The following PTPRD variants were observed in gnomAD, a reference collection of about 807,000 sequenced individuals.
PTPRD encodes protein tyrosine phosphatase receptor type D, also known as receptor-type tyrosine-protein phosphatase delta.
In PTPRD, 34 loss-of-function variants were observed where a neutral mutation model predicts 214.5. The ratio of observed to expected loss-of-function variants is 0.16; its 90% CI spans 0.12 to 0.21. PTPRD has a LOEUF of 0.21. Ranked by LOEUF, PTPRD falls within the 10% of genes least tolerant of loss-of-function variation. The pLI is 1.00. For synonymous variants in PTPRD, 1,128 were observed against 845.7 expected, an observed-to-expected ratio of 1.33 and a Z score of -5.79; for missense variants, 2,545 against 2,398.7, an observed-to-expected ratio of 1.06 and a Z score of -1.27.
chr9:10,219,109 T>C (rs1156483568), intron 3 of PTPRD, among the ~76,000 whole-genome samples: 1 of 151,650 alleles, frequency 6.6e-6, no homozygotes, highest in Non-Finnish European at 1.5e-5. Flanking sequence ...CAAAAAATAA[T>C]AAATTAGAAA....
chr9:9,062,853 G>A (rs140919158), intron 10 of PTPRD, among the ~76,000 whole-genome samples: 12 of 152,094 alleles, frequency 7.9e-5, no homozygotes, highest in East Asian at 1.9e-4. Flanking sequence ...CAGGCAGCTC[G>A]TAAACTTCAG....
intron 2 of PTPRD, among the ~76,000 whole-genome samples, chr9:10,544,259 T>C (rs1213286731): frequency 6.6e-6 from 1 of 152,108 alleles, no homozygotes; most frequent in Non-Finnish European, 1.5e-5. Context: ...AGGATAAATC[T>C]GTCACAGGGA....
intron 10 of PTPRD, among the ~76,000 whole-genome samples, chr9:9,170,698 T>C (rs937974838): frequency 2.0e-5 from 3 of 152,186 alleles, no homozygotes; most frequent in Non-Finnish European, 2.9e-5. Flanking sequence ...TTTGAAAAGA[T>C]GATTTGACAA....
chr9:8,930,111 C>A (rs76285831), intron 11 of PTPRD, among the ~76,000 whole-genome samples: 166 of 145,152 alleles, frequency 1.1e-3, no homozygotes, highest in East Asian at 6.8e-3. Context: ...CCCTCCCACC[C>A]CCCCCCACAC....
intron 8 of PTPRD, among the ~76,000 whole-genome samples, chr9:9,437,818 T>C (rs140508518): frequency 0.014 from 2,083 of 152,306 alleles, 46 homozygotes; most frequent in African/African-American, 0.048. Flanking sequence ...TCCCTGAACT[T>C]GGCAAGTCTG....
intron 5 of PTPRD, among the ~76,000 whole-genome samples, chr9:9,793,377 C>G (rs933403122): frequency 1.3e-5 from 2 of 151,980 alleles, no homozygotes; most frequent in Admixed American, 1.3e-4. Flanking sequence ...AAGTAAAACT[C>G]CTACTTGGTC....
At chr9:8,437,641 C>A (rs1483841535) in intron 34 of PTPRD, among the ~76,000 whole-genome samples, 1 of 152,116 alleles carries the variant, frequency 6.6e-6, no homozygotes, top group Non-Finnish European at 1.5e-5. Context: ...CCCCAGGTCC[C>A]CATTATTCAA....
In PTPRD at chr9:8,528,786, G is replaced by A. The variant is rs2139487587; in HGVS notation, c.353-7C>T. 1.2e-6 allele frequency: 2 copies of A among 1,612,444 alleles called. No individual in the cohort carries two copies. The highest frequency in any genetic ancestry group is 1.7e-6 in the Non-Finnish European group (2 of 1,179,060). ...CCCCTGGGAATTTGATCTTCTGCAA[G>A]ACAAAAGGTGATAGAAACATTCAGT... On this transcript the variant is annotated splice_region_variant and splice_polypyrimidine_tract_variant and intron_variant, in intron 14 of 45. Coordinates refer to ENST00000381196, the MANE Select transcript of PTPRD (RefSeq NM_002839.4).
intron 11 of PTPRD, among the ~76,000 whole-genome samples, chr9:8,755,173 G>A (rs2093885396): frequency 6.7e-6 from 1 of 149,902 alleles, no homozygotes; most frequent in Non-Finnish European, 1.5e-5. Context: ...ACATCAACCA[G>A]CAGTTTCATT....
At chr9:10,495,910 G>T (rs906274674) in intron 2 of PTPRD, among the ~76,000 whole-genome samples, 1 of 151,678 alleles carries the variant, frequency 6.6e-6, no homozygotes, top group Non-Finnish European at 1.5e-5. Flanking sequence ...CTACCATATA[G>T]AGAAATACAA....
intron 9 of PTPRD, among the ~76,000 whole-genome samples, chr9:9,333,719 A>C (rs1196541843): frequency 2.0e-5 from 3 of 151,662 alleles, no homozygotes; most frequent in African/African-American, 7.3e-5. Context: ...TCCAACTCCA[A>C]TATTAACCAA....
At chr9:10,388,658 A>C (rs547899076) in intron 2 of PTPRD, among the ~76,000 whole-genome samples, 2 of 152,036 alleles carry the variant, frequency 1.3e-5, no homozygotes, top group South Asian at 4.1e-4. Flanking sequence ...TTTGGACTTA[A>C]GAAAATTTGC....
chr9:9,556,898 A>G (rs2081648439), intron 8 of PTPRD, among the ~76,000 whole-genome samples: 1 of 152,170 alleles, frequency 6.6e-6, no homozygotes. Context: ...TTCTAATCTC[A>G]GACAGTATCT....
Position 8,589,211 on chromosome 9 carries a change from C to A in PTPRD, c.352+44106G>T, listed in dbSNP as rs182629455. 3.2e-4 allele frequency among the ~76,000 whole-genome samples: 49 copies of A among 152,264 alleles called. No individual in the cohort carries two copies. The East Asian group carries it at 8.9e-3, about 28-fold the overall frequency. On this transcript the variant is annotated intron_variant, in intron 14 of 45. Coordinates refer to ENST00000381196, the MANE Select transcript of PTPRD (RefSeq NM_002839.4). ...TGAAGAGTTGCTGTGCTGATCAAAT[C>A]AATCAACCCACCAACCAAACAAGCA...
intron 8 of PTPRD, among the ~76,000 whole-genome samples, chr9:9,495,518 A>G (rs2096136938): frequency 6.6e-6 from 1 of 151,932 alleles, no homozygotes; most frequent in South Asian, 2.1e-4. Flanking sequence ...AAGACCCCAG[A>G]CTCAGTCGGT....
intron 5 of PTPRD, among the ~76,000 whole-genome samples, chr9:9,898,622 C>G (rs1191352153): frequency 1.3e-5 from 2 of 152,022 alleles, no homozygotes; most frequent in Non-Finnish European, 2.9e-5. Context: ...TGTGTGGTTG[C>G]TGCACTGAAG....
chr9:9,583,503 A>C (rs79578496), intron 7 of PTPRD, among the ~76,000 whole-genome samples: 1 of 152,204 alleles, frequency 6.6e-6, no homozygotes, highest in East Asian at 1.9e-4. Flanking sequence ...CTTAGTTGAC[A>C]ATGAGCCAAA....
intron 2 of PTPRD, among the ~76,000 whole-genome samples, chr9:10,595,825 C>T (rs916338475): frequency 1.3e-5 from 2 of 151,364 alleles, no homozygotes; most frequent in Non-Finnish European, 3.0e-5. Context: ...GTACTTTTTC[C>T]CTTATACATT....
chr9:10,061,857 T>C (rs1025956028), intron 3 of PTPRD, among the ~76,000 whole-genome samples: 1 of 151,992 alleles, frequency 6.6e-6, no homozygotes, highest in African/African-American at 2.4e-5. Flanking sequence ...GTTCTAACAG[T>C]ATAGTCTCTG....
Sources: allele counts gnomAD v4.1 joint callset (sites outside exome capture counted in the v4.1 genomes callset), GRCh38; gene constraint gnomAD v4.1.1; transcripts MANE v1.5; gene names NCBI Gene and HGNC (gene_info 2026-07-23, HGNC 2026-07-21).